GMCL1: variants seen among roughly 807,000 people sequenced by gnomAD.
GMCL1 encodes germ cell-less 1, spermatogenesis associated, also known as germ cell-less protein-like 1.
A neutral mutation model predicts 75.5 loss-of-function variants in GMCL1; 54 were observed. The observed-to-expected ratio is 0.71, with a 90% CI of 0.57 to 0.90. The LOEUF is 0.90. Ranked by LOEUF, GMCL1 falls within the 40% of genes least tolerant of loss-of-function variation. The probability of loss-of-function intolerance (pLI) is 0.00; values close to 1 mark genes in which losing one functional copy is unlikely to be tolerated. For synonymous variants in GMCL1, 210 were observed against 209.6 expected (o/e 1.00, Z -0.02); for missense variants, 537 against 622.7 (o/e 0.86, Z 1.47).
intron 13 of GMCL1, among the ~76,000 whole-genome samples, chr2:69,874,235 T>TA (rs1265653614): frequency 6.6e-6 from 1 of 152,200 alleles, no homozygotes; most frequent in Non-Finnish European, 1.5e-5. Flanking sequence ...CCTCCAAAGC[T>TA]ACTGTCCAAT....
chr2:69,834,516 CTAAAG>C (rs1674767513), intron 1 of GMCL1, among the ~76,000 whole-genome samples: 1 of 152,202 alleles, frequency 6.6e-6, no homozygotes, highest in Non-Finnish European at 1.5e-5. Context: ...GTATGGAAAT[CTAAAG>C]TAACTTTCTT....
rs757881444 is a variant in GMCL1 at position 69,865,442 on chromosome 2, G to GTTC, written c.1218+468_1218+470dup. ...ATGGGCGGATCACTTGAGGCCAGGA[G>GTTC]TTCAAGACCAGCCTGGCCAACATGG... On this transcript the variant is annotated intron_variant, in intron 11 of 13. Transcript: ENST00000282570. 3.9e-5 allele frequency among the ~76,000 whole-genome samples: 6 copies of GTTC among 152,110 alleles called. No individual in the cohort carries two copies. In the South Asian group the frequency reaches 8.3e-4, roughly 21 times the overall value.
chr2:69,878,796 G>A, intron 13 of GMCL1, 113 bp from the exon 14 acceptor site: 1 of 758,716 alleles, frequency 1.3e-6, no homozygotes, highest in African/African-American at 1.8e-5. Context: ...GGAGAGTGGA[G>A]TTGTGGATCT....
At chr2:69,861,927 T>C (rs1203932792) in intron 10 of GMCL1, among the ~76,000 whole-genome samples, 1 of 151,924 alleles carries the variant, frequency 6.6e-6, no homozygotes, top group Admixed American at 6.6e-5. Flanking sequence ...TACTAAACCC[T>C]GGAAGTGGAG....
chr2:69,866,155 A>C (rs1375471252), intron 11 of GMCL1, among the ~76,000 whole-genome samples: 1 of 151,886 alleles, frequency 6.6e-6, no homozygotes, highest in African/African-American at 2.4e-5. Context: ...AGGCTGAGGC[A>C]GGAGATTGCT....
At chr2:69,833,621 C>G (rs955004935) in intron 1 of GMCL1, among the ~76,000 whole-genome samples, 7 of 152,150 alleles carry the variant, frequency 4.6e-5, no homozygotes, top group African/African-American at 1.7e-4. Context: ...GTCTCAAAAA[C>G]TAAACAAATA....
chr2:69,838,366 C>CAAAAAAAAAAA (rs1674883525), intron 2 of GMCL1, among the ~76,000 whole-genome samples: 4 of 85,488 alleles, frequency 4.7e-5, no homozygotes, highest in African/African-American at 1.0e-4. Flanking sequence ...AAAAAAAAAT[C>CAAAAAAAAAAA]GGAGCTTTCA....
chr2:69,841,192 T>C (rs1674974992), intron 4 of GMCL1, among the ~76,000 whole-genome samples, 153 bp downstream of exon 4: 1 of 152,250 alleles, frequency 6.6e-6, no homozygotes, highest in African/African-American at 2.4e-5. Context: ...TCATTTAAAA[T>C]GCCTAACCAA....
chr2:69,854,576 G>A (rs1471840785), intron 8 of GMCL1, among the ~76,000 whole-genome samples: 1 of 152,068 alleles, frequency 6.6e-6, no homozygotes, highest in African/African-American at 2.4e-5. Context: ...CATGCCAAAT[G>A]CCCAGAAACA....
At position 69,830,163 on chromosome 2, in the gene GMCL1, G is replaced by T; in HGVS notation, c.260+11G>T. ...CAACACCCCTCGAAGGTACGTGGGGGCACGCACCCGCGCGGACCCGGACCC... is the reference window on the plus strand; with the variant it reads ...CAACACCCCTCGAAGGTACGTGGGGTCACGCACCCGCGCGGACCCGGACCC... On this transcript the variant is annotated intron_variant, in intron 1 of 13. Transcript: ENST00000282570. The T allele has an allele frequency of 6.4e-7, 1 of 1,552,290 alleles. No homozygotes were observed. The highest frequency in any genetic ancestry group is 1.2e-5 in the South Asian group (1 of 84,260).
Position 69,861,325 on chromosome 2 carries a change from G to A in GMCL1, c.1120G>A (p.Ala374Thr). The change falls in exon 10 of 14, where the codon GCA becomes ACA. Residue 374 changes from alanine (A) to threonine (T), a missense_variant. Transcript: ENST00000282570. ...YKQQWFAMLR[A>T]EQDSEVGPQE... Reference sequence around the variant, plus strand: ...ACAGCAGTGGTTTGCTATGCTGCGGGCAGAACAGGACAGTGAGGTGGGGTA... The same window carrying A: ...ACAGCAGTGGTTTGCTATGCTGCGGACAGAACAGGACAGTGAGGTGGGGTA... 1 of 1,609,634 alleles carries A rather than the reference G, an allele frequency of 6.2e-7. No individual in the cohort carries two copies. Among genetic ancestry groups the A allele is most frequent in the Non-Finnish European group, 8.5e-7 (1 of 1,176,824 alleles).
At position 69,864,914 on chromosome 2, in the gene GMCL1, A is replaced by G. The variant is rs868689141; in HGVS notation, c.1157A>G (p.Asn386Ser). ...QDSEVGPQEI[N>S]KEELEGNSMR... ...TATATTTTTAGGCCTCAAGAAATCA[A>G]TAAAGAAGAACTAGAGGGAAACAGC... The change falls in exon 11 of 14, where the codon AAT (asparagine) becomes AGT (serine). Residue 386 changes from asparagine to serine, a missense_variant. This residue lies in a region of GMCL1 where 345 missense variants were observed against 410.5 expected (regional missense o/e 0.84). Coordinates refer to ENST00000282570, the MANE Select transcript of GMCL1 (RefSeq NM_178439.5). The G allele has an allele frequency of 3.4e-5, 55 of 1,611,660 alleles. No homozygotes were observed. In the Middle Eastern group the frequency reaches 2.6e-3, roughly 77 times the overall value.
Position 69,830,075 on chromosome 2 carries a change from C to T in GMCL1, c.183C>T (p.Tyr61=). Residue 61 remains tyrosine, a synonymous_variant, in exon 1 of 14, where the codon TAC becomes TAT. Transcript: ENST00000282570. ...KRKRSSGSFC[Y]CHPDSETDED... ...AGCGGAGCAGCGGGTCCTTCTGCTA[C>T]TGTCACCCTGACTCGGAGACGGACG... 1 of 1,575,500 alleles carries T rather than the reference C, an allele frequency of 6.3e-7. No individual in the cohort carries two copies. The highest frequency in any genetic ancestry group is 2.3e-5 in the East Asian group (1 of 43,044).
At chr2:69,838,707 ATGT>A (rs1573343008) in intron 2 of GMCL1, among the ~76,000 whole-genome samples, 4 of 152,284 alleles carry the variant, frequency 2.6e-5, no homozygotes, top group Non-Finnish European at 1.5e-5. Context: ...GGTATGATTC[ATGT>A]TGTTTCTTTT....
At chr2:69,865,770 AT>A (rs1481331151) in intron 11 of GMCL1, among the ~76,000 whole-genome samples, 1 of 152,130 alleles carries the variant, frequency 6.6e-6, no homozygotes, top group Admixed American at 6.5e-5. Flanking sequence ...TAATACTTTT[AT>A]TTTATGTTAT....
At chr2:69,864,323 T>C (rs1292472754) in intron 10 of GMCL1, among the ~76,000 whole-genome samples, 1 of 151,998 alleles carries the variant, frequency 6.6e-6, no homozygotes, top group Non-Finnish European at 1.5e-5. Context: ...GGAATAATGA[T>C]GCTAATTATA....
chr2:69,870,975 CA>C (rs1408013333), intron 12 of GMCL1, among the ~76,000 whole-genome samples: 2 of 152,098 alleles, frequency 1.3e-5, no homozygotes, highest in Non-Finnish European at 2.9e-5. Context: ...GACACTTCCT[CA>C]AAAAAATTAA....
At chr2:69,867,334 G>A (rs1017602838) in intron 11 of GMCL1, among the ~76,000 whole-genome samples, 9 of 151,878 alleles carry the variant, frequency 5.9e-5, no homozygotes, top group Admixed American at 5.9e-4. Context: ...CCATGCTCTT[G>A]TGCTCCACCC....
chr2:69,835,856 G>A (rs1222301280), intron 1 of GMCL1, among the ~76,000 whole-genome samples: 1 of 152,188 alleles, frequency 6.6e-6, no homozygotes, highest in Non-Finnish European at 1.5e-5. Context: ...TTCACACACG[G>A]TTTGGGAACC....
Sources: gnomAD v4.1 joint callset for allele counts (sites outside exome capture counted in the v4.1 genomes callset) on GRCh38, gnomAD v4.1.1 for gene constraint, gnomAD v4.1.1 regional missense constraint, MANE v1.5 for transcripts, NCBI Gene and HGNC (gene_info 2026-07-23, HGNC 2026-07-21) for gene names.